The following RNGTT variants were observed in gnomAD, a reference collection of about 807,000 sequenced individuals.
RNGTT encodes RNA guanylyltransferase and 5'-phosphatase, also known as mRNA-capping enzyme.
RNGTT carries 33 observed loss-of-function variants against 79.3 expected under a neutral mutation model. That is an observed-to-expected ratio of 0.42 (90% CI 0.32 to 0.56). The LOEUF is 0.56. RNGTT is among the 20% of genes least tolerant of loss of function. The pLI is 0.17. For synonymous variants in RNGTT, 222 were observed against 235.9 expected (o/e 0.94, Z 0.54); for missense variants, 497 against 739.1 (o/e 0.67, Z 3.80).
intron 12 of RNGTT, among the ~76,000 whole-genome samples, chr6:88,795,522 G>A (rs146978448): frequency 6.6e-6 from 1 of 152,060 alleles, no homozygotes; most frequent in Non-Finnish European, 1.5e-5. Context: ...TCACACACTG[G>A]GGCATGTTGT....
chr6:88,847,067 G>A (rs1286142728), intron 10 of RNGTT, among the ~76,000 whole-genome samples: 2 of 151,894 alleles, frequency 1.3e-5, no homozygotes, highest in Non-Finnish European at 2.9e-5. Flanking sequence ...ATTAAAAAAT[G>A]CCTGTTTTTT....
chr6:88,906,139 T>C (rs1383288284), intron 5 of RNGTT, among the ~76,000 whole-genome samples: 1 of 152,024 alleles, frequency 6.6e-6, no homozygotes, highest in East Asian at 1.9e-4. Context: ...AGAGGAAACC[T>C]TGTCTCAAAG....
chr6:88,748,263 C>G (rs1582412799), intron 13 of RNGTT, among the ~76,000 whole-genome samples: 1 of 152,212 alleles, frequency 6.6e-6, no homozygotes, highest in East Asian at 1.9e-4. Context: ...GAAGCCCTAA[C>G]AGTAGCCATA....
intron 12 of RNGTT, among the ~76,000 whole-genome samples, chr6:88,772,305 A>T (rs912185541): frequency 1.1e-4 from 16 of 152,170 alleles, no homozygotes; most frequent in Non-Finnish European, 2.9e-5. Context: ...AAGACATCAT[A>T]TGTTCATGGA....
chr6:88,953,029 G>C (rs2127964700), intron 1 of RNGTT, among the ~76,000 whole-genome samples: 1 of 152,276 alleles, frequency 6.6e-6, no homozygotes. Flanking sequence ...GAAGGAACCA[G>C]AAAAGTGATT....
intron 8 of RNGTT, 125 bp from the exon 9 acceptor site, chr6:88,853,889 TTATCATGTAGATTAAAG>T: frequency 1.9e-6 from 1 of 525,860 alleles, no homozygotes; most frequent in East Asian, 3.3e-5. Flanking sequence ...TGGAGTCTCT[TTATCATGTAGATTAAAG>T]TATCACAAAT....
chr6:88,670,075 TA>T (rs1774573250), intron 14 of RNGTT, among the ~76,000 whole-genome samples: 1 of 152,234 alleles, frequency 6.6e-6, no homozygotes, highest in Non-Finnish European at 1.5e-5. Flanking sequence ...GGCCCTAGAC[TA>T]CTTGCTAGCA....
chr6:88,837,387 G>A (rs1051570299), intron 11 of RNGTT, among the ~76,000 whole-genome samples: 2 of 151,912 alleles, frequency 1.3e-5, no homozygotes, highest in Admixed American at 1.3e-4. Context: ...CCAGAGCAAG[G>A]CCCTGTCTTA....
intron 13 of RNGTT, among the ~76,000 whole-genome samples, chr6:88,703,588 C>T (rs1776016614): frequency 6.6e-6 from 1 of 152,178 alleles, no homozygotes; most frequent in Non-Finnish European, 1.5e-5. Context: ...GGGTACTATG[C>T]TCAGTACCTG....
At chr6:88,852,484 A>G (rs562811899) in intron 9 of RNGTT, among the ~76,000 whole-genome samples, 1 of 152,258 alleles carries the variant, frequency 6.6e-6, no homozygotes, top group East Asian at 1.9e-4. Flanking sequence ...ACTTTTATGT[A>G]CTATACAACC....
chr6:88,771,333 A>ATG (rs1416020359), intron 12 of RNGTT, among the ~76,000 whole-genome samples: 1 of 127,878 alleles, frequency 7.8e-6, no homozygotes, highest in Non-Finnish European at 1.6e-5. Flanking sequence ...ATATATATAT[A>ATG]TATATATATA....
rs745636940 is a variant in RNGTT, at chr6:88,904,727, T to C, written c.672A>G (p.Glu224=). 6.2e-6 allele frequency: 10 copies of C among 1,613,454 alleles called. No homozygotes were observed. The highest frequency in any genetic ancestry group is 8.5e-6 in the Non-Finnish European group (10 of 1,179,836). Residue 224 remains glutamate, a synonymous_variant, in exon 6 of 16, where the codon GAA becomes GAG. Transcript: ENST00000369485. ...TTTTAAACATTACCAGTTTTAACCG[T>C]TCTTTTCTCCTTTTGCCAAAAGAAG... ...SSASFGKRRK[E]RLKLGAIFLE... is the part of the protein sequence containing the mutation.
intron 14 of RNGTT, among the ~76,000 whole-genome samples, chr6:88,646,407 A>G (rs1253791715): frequency 6.6e-6 from 1 of 152,250 alleles, no homozygotes; most frequent in East Asian, 1.9e-4. Flanking sequence ...ACTGTAAACT[A>G]GTTCAACCAT....
intron 12 of RNGTT, among the ~76,000 whole-genome samples, chr6:88,799,041 A>AC (rs1779693853): frequency 2.0e-5 from 3 of 152,226 alleles, no homozygotes; most frequent in Non-Finnish European, 4.4e-5. Context: ...GCAGTGTACT[A>AC]GAAGTAGCAA....
intron 14 of RNGTT, among the ~76,000 whole-genome samples, chr6:88,663,682 G>A (rs1241180689): frequency 6.6e-6 from 1 of 152,150 alleles, no homozygotes; most frequent in Non-Finnish European, 1.5e-5. Flanking sequence ...TGCAAGGTGT[G>A]CACACCCCAA....
At chr6:88,790,240 C>T (rs1779362062) in intron 12 of RNGTT, among the ~76,000 whole-genome samples, 1 of 152,122 alleles carries the variant, frequency 6.6e-6, no homozygotes, top group Admixed American at 6.5e-5. Flanking sequence ...AGGATTGAGT[C>T]ATATAAATAA....
At chr6:88,816,820 T>C (rs1002972621) in intron 11 of RNGTT, among the ~76,000 whole-genome samples, 2 of 152,078 alleles carry the variant, frequency 1.3e-5, no homozygotes, top group Non-Finnish European at 2.9e-5. Flanking sequence ...GACCCAGATA[T>C]ATGAGTACTT....
At chr6:88,626,438 A>G (rs1297946826) in intron 14 of RNGTT, among the ~76,000 whole-genome samples, 1 of 152,114 alleles carries the variant, frequency 6.6e-6, no homozygotes, top group East Asian at 1.9e-4. Context: ...TATTTAAAAC[A>G]GTAATTTATG....
intron 8 of RNGTT, among the ~76,000 whole-genome samples, chr6:88,858,574 A>G (rs553229673): frequency 6.6e-6 from 1 of 152,326 alleles, no homozygotes; most frequent in South Asian, 2.1e-4. Flanking sequence ...CACTTTTATT[A>G]ACTCATTTAT....
Sources: gnomAD v4.1 joint callset for allele counts (sites outside exome capture counted in the v4.1 genomes callset) on GRCh38, gnomAD v4.1.1 for gene constraint, MANE v1.5 for transcripts, NCBI Gene and HGNC (gene_info 2026-07-23, HGNC 2026-07-21) for gene names.